Variants in KIAA0825 observed in about 807,000 individuals in gnomAD.
The protein encoded by KIAA0825 is KIAA0825.
In KIAA0825, 119 loss-of-function variants were observed where a neutral mutation model predicts 147.6. The ratio of observed to expected loss-of-function variants is 0.81; its 90% CI spans 0.69 to 0.94. KIAA0825 has a LOEUF of 0.94. Among genes scored for constraint, KIAA0825 ranks in the 40% least tolerant of loss-of-function variants. KIAA0825 has a pLI of 0.00. For missense variants in KIAA0825, 1,381 were observed against 1,472.7 expected (o/e 0.94, Z 1.02); for synonymous variants, 470 against 518.1 (o/e 0.91, Z 1.26).
At chr5:94,310,969 C>T (rs988327639) in intron 20 of KIAA0825, among the ~76,000 whole-genome samples, 1 of 151,498 alleles carries the variant, frequency 6.6e-6, no homozygotes, top group Non-Finnish European at 1.5e-5. Flanking sequence ...TGTATTTATA[C>T]CAAAAGTATC....
chr5:94,495,337 A>G (rs2151091144), intron 5 of KIAA0825, among the ~76,000 whole-genome samples: 1 of 152,352 alleles, frequency 6.6e-6, no homozygotes, highest in South Asian at 2.1e-4. Context: ...TTATTCAGCC[A>G]TAAAGGTAAG....
At chr5:94,155,741 AT>A (rs1766983500) in intron 20 of KIAA0825, among the ~76,000 whole-genome samples, 1 of 152,120 alleles carries the variant, frequency 6.6e-6, no homozygotes, top group African/African-American at 2.4e-5. Context: ...AAAAACTGCT[AT>A]TTTTGGCTGC....
At chr5:94,468,921 A>T (rs929465779) in intron 10 of KIAA0825, among the ~76,000 whole-genome samples, 5 of 152,170 alleles carry the variant, frequency 3.3e-5, no homozygotes, top group Non-Finnish European at 5.9e-5. Flanking sequence ...TTTTTTTAAA[A>T]ATCCTGATTA....
chr5:94,246,310 G>A (rs1190989370), intron 20 of KIAA0825, among the ~76,000 whole-genome samples: 2 of 152,182 alleles, frequency 1.3e-5, no homozygotes, highest in South Asian at 2.1e-4. Context: ...CCAGAGCAAC[G>A]GTTTCTACAG....
intron 17 of KIAA0825, among the ~76,000 whole-genome samples, chr5:94,392,161 T>G (rs933919226): frequency 6.6e-6 from 1 of 152,322 alleles, no homozygotes; most frequent in Non-Finnish European, 1.5e-5. Context: ...CTAATTGAAG[T>G]GTCAAAAGGG....
intron 1 of KIAA0825, among the ~76,000 whole-genome samples, chr5:94,583,213 C>T (rs961344597): frequency 6.6e-6 from 1 of 152,118 alleles, no homozygotes; most frequent in Non-Finnish European, 1.5e-5. Flanking sequence ...CAAAGCAGGC[C>T]GGGAAGTGCA....
At chr5:94,339,580 A>G (rs1424450466) in intron 20 of KIAA0825, among the ~76,000 whole-genome samples, 1 of 152,146 alleles carries the variant, frequency 6.6e-6, no homozygotes, top group East Asian at 1.9e-4. Flanking sequence ...TTCAACACGT[A>G]TTTCTCCACC....
intron 5 of KIAA0825, among the ~76,000 whole-genome samples, chr5:94,488,841 T>C (rs571314540): frequency 1.3e-5 from 2 of 152,356 alleles, no homozygotes; most frequent in Non-Finnish European, 2.9e-5. Context: ...CTAATTAGTA[T>C]ATTAAAGTCT....
intron 20 of KIAA0825, among the ~76,000 whole-genome samples, chr5:94,323,788 TA>T (rs1780429911): frequency 6.6e-6 from 1 of 151,920 alleles, no homozygotes; most frequent in African/African-American, 2.4e-5. Flanking sequence ...AGATGGAGAT[TA>T]GGGGATAGGG....
intron 14 of KIAA0825, among the ~76,000 whole-genome samples, chr5:94,438,238 T>C (rs1756626417): frequency 6.6e-6 from 1 of 152,232 alleles, no homozygotes; most frequent in South Asian, 2.1e-4. Context: ...AATAATTATC[T>C]TCAATGCCAA....
intron 20 of KIAA0825, among the ~76,000 whole-genome samples, chr5:94,186,146 G>T (rs1770098590): frequency 6.6e-6 from 1 of 152,064 alleles, no homozygotes; most frequent in Non-Finnish European, 1.5e-5. Flanking sequence ...ATTCATTTTA[G>T]GTGGAATAAA....
chr5:94,426,738 GATAA>G (rs1343287068), intron 14 of KIAA0825, among the ~76,000 whole-genome samples: 4 of 152,104 alleles, frequency 2.6e-5, no homozygotes, highest in African/African-American at 7.2e-5. Context: ...TAAATGAAAT[GATAA>G]ATACTCAAGG....
intron 7 of KIAA0825, among the ~76,000 whole-genome samples, chr5:94,475,585 A>G (rs1584613033): frequency 6.6e-6 from 1 of 152,356 alleles, no homozygotes; most frequent in East Asian, 1.9e-4. Context: ...AGGCAGGCGG[A>G]TCACCTGAGG....
chr5:94,491,319 A>T (rs556044653), intron 5 of KIAA0825, among the ~76,000 whole-genome samples: 181 of 152,310 alleles, frequency 1.2e-3, no homozygotes, highest in Non-Finnish European at 2.1e-3. Context: ...TCCAGTAAAG[A>T]AAACTTTTAA....
intron 20 of KIAA0825, among the ~76,000 whole-genome samples, chr5:94,223,035 A>T (rs1280365007): frequency 6.6e-6 from 1 of 152,172 alleles, no homozygotes; most frequent in Non-Finnish European, 1.5e-5. Flanking sequence ...CTGTACTTAG[A>T]TCTAGACTTG....
intron 20 of KIAA0825, among the ~76,000 whole-genome samples, chr5:94,200,269 A>G (rs978454715): frequency 1.3e-5 from 2 of 151,934 alleles, no homozygotes; most frequent in South Asian, 2.1e-4. Flanking sequence ...CTCCACACCA[A>G]TTTTACTCAC....
intron 2 of KIAA0825, among the ~76,000 whole-genome samples, chr5:94,561,183 T>A (rs1777497605): frequency 6.6e-6 from 1 of 152,156 alleles, no homozygotes; most frequent in Non-Finnish European, 1.5e-5. Context: ...TGGATCCCAA[T>A]AAAAATTCTT....
intron 5 of KIAA0825, among the ~76,000 whole-genome samples, chr5:94,509,241 T>A (rs1416048246): frequency 6.6e-6 from 1 of 152,214 alleles, no homozygotes; most frequent in Non-Finnish European, 1.5e-5. Flanking sequence ...TTAATGTTTT[T>A]AAACAACTGT....
At chr5:94,513,955 C>T (rs1256911065) in intron 5 of KIAA0825, among the ~76,000 whole-genome samples, 2 of 152,010 alleles carry the variant, frequency 1.3e-5, no homozygotes, top group Non-Finnish European at 1.5e-5. Context: ...CTTAATTTTG[C>T]AGCTAACTTG....
Sources: allele counts gnomAD v4.1 joint callset (sites outside exome capture counted in the v4.1 genomes callset), GRCh38; gene constraint gnomAD v4.1.1; transcripts MANE v1.5; gene names NCBI Gene and HGNC (gene_info 2026-07-23, HGNC 2026-07-21).